The following SAMD8 variants were observed in gnomAD, a reference collection of about 807,000 sequenced individuals.
SAMD8 encodes sphingomyelin synthase-related protein 1.
A neutral mutation model predicts 42.0 loss-of-function variants in SAMD8; 20 were observed. The ratio of observed to expected loss-of-function variants is 0.48; its 90% CI spans 0.34 to 0.69. The LOEUF is 0.69. SAMD8 is among the 30% of genes least tolerant of loss of function. The pLI, the probability that SAMD8 is intolerant of heterozygous loss-of-function variation, is 0.01. For missense variants in SAMD8, 328 were observed against 511.6 expected (o/e 0.64, Z 3.46); for synonymous variants, 162 against 173.0 (o/e 0.94, Z 0.50).
intron 1 of SAMD8, among the ~76,000 whole-genome samples, chr10:75,124,871 G>A (rs111797417): frequency 3.0e-3 from 458 of 151,234 alleles, no homozygotes; most frequent in African/African-American, 0.011. Context: ...CAATGGCACA[G>A]TCATGGCTCA....
upstream of SAMD8, among the ~76,000 whole-genome samples, chr10:75,110,209 G>A (rs1848732373): frequency 6.6e-6 from 1 of 152,226 alleles, no homozygotes; most frequent in African/African-American, 2.4e-5. Context: ...CAAATGGGGA[G>A]ACGGGAGGTG....
intron 3 of SAMD8, among the ~76,000 whole-genome samples, chr10:75,165,221 C>T (rs943171197): frequency 2.6e-5 from 4 of 152,036 alleles, no homozygotes; most frequent in African/African-American, 7.2e-5. Context: ...ACCCCAGGGT[C>T]GGACATTGTG....
intron 1 of SAMD8, chr10:75,102,103 G>T: frequency 4.1e-6 from 2 of 489,552 alleles, no homozygotes; most frequent in South Asian, 3.5e-5. Context: ...CCAGGCCCAG[G>T]CCTCTGTCCC....
chr10:75,130,665 A>G (rs757003403), intron 1 of SAMD8, among the ~76,000 whole-genome samples: 1 of 152,168 alleles, frequency 6.6e-6, no homozygotes, highest in Admixed American at 6.5e-5. Flanking sequence ...TTCAGCATCA[A>G]TATTAACTCT....
chr10:75,159,242 G>T (rs1015162134), intron 2 of SAMD8, among the ~76,000 whole-genome samples: 1 of 151,786 alleles, frequency 6.6e-6, no homozygotes, highest in Non-Finnish European at 1.5e-5. Flanking sequence ...ATTTTTAGTA[G>T]AGACGGGGTT....
At chr10:75,136,875 C>G (rs1399025312) in intron 1 of SAMD8, among the ~76,000 whole-genome samples, 1 of 152,150 alleles carries the variant, frequency 6.6e-6, no homozygotes, top group Non-Finnish European at 1.5e-5. Context: ...CAATGAAATA[C>G]TACTTTATGT....
intron 4 of SAMD8, among the ~76,000 whole-genome samples, chr10:75,175,257 G>T (rs1192490885): frequency 6.6e-6 from 1 of 152,216 alleles, no homozygotes; most frequent in Non-Finnish European, 1.5e-5. Flanking sequence ...TACAAGGGAG[G>T]CTGGGAAAGG....
chr10:75,100,579 C>G (rs1033829730), intron 1 of SAMD8, among the ~76,000 whole-genome samples: 6 of 152,200 alleles, frequency 3.9e-5, no homozygotes, highest in Middle Eastern at 3.2e-3. Flanking sequence ...GGGTGAAGCA[C>G]AGGCCCAACG....
chr10:75,165,018 C>T (rs1048914933), intron 3 of SAMD8, among the ~76,000 whole-genome samples: 7 of 152,196 alleles, frequency 4.6e-5, no homozygotes, highest in Non-Finnish European at 7.3e-5. Context: ...AGGCTGGGCG[C>T]GGTGGCTCAT....
At chr10:75,107,776 C>T (rs529636812), upstream of SAMD8, among the ~76,000 whole-genome samples, 10 of 152,250 alleles carry the variant, frequency 6.6e-5, no homozygotes, top group Admixed American at 2.0e-4. Context: ...GAGGTTTCAC[C>T]GTGTTGGCCA....
intron 1 of SAMD8, among the ~76,000 whole-genome samples, chr10:75,118,344 G>C (rs531652539): frequency 4.6e-5 from 7 of 152,316 alleles, no homozygotes; most frequent in African/African-American, 1.7e-4. Context: ...CCCTGTGCTT[G>C]CTAAGAAAAT....
chr10:75,109,169 C>T (rs1848702787), upstream of SAMD8: 3 of 1,566,384 alleles, frequency 1.9e-6, no homozygotes, highest in South Asian at 2.3e-5. Flanking sequence ...GGCCAGCCCG[C>T]CCACCCCTCT....
At chr10:75,172,183 TA>T (rs1448380493) in intron 4 of SAMD8, among the ~76,000 whole-genome samples, 1 of 152,188 alleles carries the variant, frequency 6.6e-6, no homozygotes. Context: ...TTTATGTTCT[TA>T]TTTTTTTATA....
At chr10:75,111,489 G>A (rs557758469), upstream of SAMD8, 5 of 1,223,122 alleles carry the variant, frequency 4.1e-6, no homozygotes, top group African/African-American at 7.8e-5. Flanking sequence ...CCCGCCTCCC[G>A]AAGCAGTTCC....
intron 1 of SAMD8, among the ~76,000 whole-genome samples, chr10:75,133,427 C>A (rs886372340): frequency 6.6e-6 from 1 of 152,102 alleles, no homozygotes; most frequent in South Asian, 2.1e-4. Context: ...AATAGAACTA[C>A]CATACGATCC....
At chr10:75,113,515 T>G (rs1025243295) in intron 1 of SAMD8, among the ~76,000 whole-genome samples, 1 of 152,160 alleles carries the variant, frequency 6.6e-6, no homozygotes, top group Non-Finnish European at 1.5e-5. Flanking sequence ...TGGCTAATTT[T>G]TGTTAGCATC....
chr10:75,130,299 C>T (rs1013996658), intron 1 of SAMD8, among the ~76,000 whole-genome samples: 3 of 151,812 alleles, frequency 2.0e-5, no homozygotes, highest in African/African-American at 2.4e-5. Context: ...GTCAGGAGTT[C>T]GAGACCAGCC....
chr10:75,176,568 G>A lies in SAMD8; in HGVS notation c.1124G>A (p.Ser375Asn). Residue 375 changes from serine to asparagine, a missense_variant, in exon 6 of 6, where the codon AGT becomes AAT. Physicochemically the swap from Ser to Asn is conservative, Grantham distance 46. This residue lies in a region of SAMD8 where 178 missense variants were observed against 325.6 expected (regional missense o/e 0.55). Transcript: ENST00000542569. The surrounding 1 kb of genome is among the most constrained non-coding windows in gnomAD (Gnocchi z 4.3). ...GCCAATACCAGAGCATATCAGCAGAGTAGGAGAGCAAGGATTTGGTTTCCC... is the reference window on the plus strand; with the variant it reads ...GCCAATACCAGAGCATATCAGCAGAATAGGAGAGCAAGGATTTGGTTTCCC... ...TLANTRAYQQ[S>N]RRARIWFPMF... is the part of the protein sequence containing the mutation. 1.3e-6 allele frequency: 2 copies of A among 1,550,594 alleles called. No individual in the cohort carries two copies. Among genetic ancestry groups the A allele is most frequent in the Non-Finnish European group, 1.7e-6 (2 of 1,147,006 alleles).
chr10:75,133,013 G>A (rs1849308173), intron 1 of SAMD8, among the ~76,000 whole-genome samples: 1 of 151,878 alleles, frequency 6.6e-6, no homozygotes, highest in Non-Finnish European at 1.5e-5. Flanking sequence ...GAAAGAAAAA[G>A]GCAGGTTTTT....
Sources: gnomAD v4.1 joint callset for allele counts (sites outside exome capture counted in the v4.1 genomes callset) on GRCh38, gnomAD v4.1.1 for gene constraint, gnomAD v4.1.1 regional missense constraint, Gnocchi (gnomAD v3.1) non-coding constraint, MANE v1.5 for transcripts, NCBI Gene and HGNC (gene_info 2026-07-23, HGNC 2026-07-21) for gene names.